Variants in SLC27A2 observed in about 807,000 individuals in gnomAD.
SLC27A2 encodes the protein long-chain fatty acid transport protein 2.
In SLC27A2, 54 loss-of-function variants were observed where a neutral mutation model predicts 60.0. That is an observed-to-expected ratio of 0.90 (90% CI 0.72 to 1.13). The LOEUF (loss-of-function observed/expected upper bound fraction) is 1.13, where lower values mean the gene tolerates loss of function less well. Among genes scored for constraint, SLC27A2 ranks in the 50% most tolerant of loss-of-function variants. The pLI, the probability that SLC27A2 is intolerant of heterozygous loss-of-function variation, is 0.00. For synonymous variants in SLC27A2, 297 were observed against 297.6 expected (o/e 1.00, Z 0.02); for missense variants, 739 against 777.6 (o/e 0.95, Z 0.59).
intron 1 of SLC27A2, among the ~76,000 whole-genome samples, chr15:50,185,507 C>T (rs745864943): frequency 2.0e-5 from 3 of 151,270 alleles, no homozygotes; most frequent in African/African-American, 7.3e-5. Context: ...TTGGAAGGGA[C>T]CTTAGAGATA....
chr15:50,194,374 C>T (rs375913005), intron 1 of SLC27A2, among the ~76,000 whole-genome samples: 5 of 151,982 alleles, frequency 3.3e-5, no homozygotes, highest in Non-Finnish European at 5.9e-5. Context: ...AGTAATGAGA[C>T]GTGAGCATAC....
intron 1 of SLC27A2, among the ~76,000 whole-genome samples, chr15:50,184,191 C>T (rs1214985955): frequency 1.3e-5 from 2 of 151,690 alleles, no homozygotes; most frequent in Non-Finnish European, 2.9e-5. Context: ...CAGGGTTTCA[C>T]CATGTTGCCC....
intron 1 of SLC27A2, 46 bp downstream of exon 1, chr15:50,182,951 G>A (rs2044878827): frequency 6.5e-7 from 1 of 1,541,562 alleles, no homozygotes; most frequent in Non-Finnish European, 8.7e-7. Context: ...GCTTCTCGGC[G>A]CCTTGACTGA....
chr15:50,187,482 T>C (rs981318407), intron 1 of SLC27A2, among the ~76,000 whole-genome samples: 10 of 152,238 alleles, frequency 6.6e-5, no homozygotes, highest in African/African-American at 2.2e-4. Flanking sequence ...CCATTTATCC[T>C]AGCATCAAGA....
intron 2 of SLC27A2, 38 bp from the exon 3 acceptor site, chr15:50,202,449 C>A: frequency 6.2e-7 from 1 of 1,609,062 alleles, no homozygotes; most frequent in Non-Finnish European, 8.5e-7. Context: ...AATGCCCAAT[C>A]TTGGTTAACT....
intron 2 of SLC27A2, among the ~76,000 whole-genome samples, chr15:50,198,870 C>T (rs28455006): frequency 0.075 from 11,375 of 152,138 alleles, 468 homozygotes; most frequent in South Asian, 0.12. Context: ...TCCTTCACCT[C>T]GACAGGCCCT....
intron 1 of SLC27A2, among the ~76,000 whole-genome samples, chr15:50,196,190 C>T (rs142907307): frequency 4.4e-5 from 6 of 136,482 alleles, no homozygotes; most frequent in East Asian, 2.4e-4. Flanking sequence ...TCTCACTTTA[C>T]GGCTTAAAGG....
intron 1 of SLC27A2, among the ~76,000 whole-genome samples, chr15:50,186,610 G>A (rs1048011902): frequency 7.2e-5 from 11 of 151,990 alleles, no homozygotes; most frequent in Admixed American, 4.6e-4. Context: ...GCTAATTTTT[G>A]TTATTATCAG....
At chr15:50,191,196 A>T (rs956048701) in intron 1 of SLC27A2, 1 of 152,254 alleles carries the variant, frequency 6.6e-6, no homozygotes, top group Non-Finnish European at 1.5e-5. Context: ...ATGTAAAACT[A>T]TACCAACAGT....
intron 4 of SLC27A2, among the ~76,000 whole-genome samples, chr15:50,216,610 G>GTGTGTGTGTGTGTATATA (rs1323910367): frequency 1.7e-4 from 11 of 66,490 alleles, no homozygotes; most frequent in African/African-American, 3.3e-4. Context: ...GTGTGTGTGT[G>GTGTGTGTGTGTGTATATA]TATATATATA....
At chr15:50,189,026 G>A (rs1386400524) in intron 1 of SLC27A2, among the ~76,000 whole-genome samples, 1 of 149,720 alleles carries the variant, frequency 6.7e-6, no homozygotes, top group African/African-American at 2.5e-5. Context: ...TAGATAGATA[G>A]ATGCATACAA....
intron 1 of SLC27A2, among the ~76,000 whole-genome samples, chr15:50,188,611 A>G (rs1202949147): frequency 1.3e-5 from 2 of 152,218 alleles, no homozygotes; most frequent in Admixed American, 6.5e-5. Flanking sequence ...ATTCTCTCAT[A>G]TATCTTTGAA....
In SLC27A2 at chr15:50,233,926, TG is replaced by T. The variant is rs541651560; in HGVS notation, c.1616del (p.Gly539GlufsTer21). 131 of 1,614,006 alleles carry T rather than the reference TG, an allele frequency of 8.1e-5. No individual in the cohort carries two copies. The African/African-American group carries it at 1.6e-3, about 20-fold the overall frequency. ...AAATGAAAGAAAACCATGAATTTGA[TG>T]GAAAGAAACTCTTTCAGCACATTGC... ...IKMKENHEFDGKKLFQHIADY... is the reference protein window; with the variant it reads ...IKMKENHEFDXKKLFQHIADY... On this transcript the variant is annotated frameshift_variant, in exon 9 of 10. Transcript: ENST00000267842. LOFTEE classifies it high-confidence loss of function.
chr15:50,225,138 C>T (rs918706721), intron 5 of SLC27A2, among the ~76,000 whole-genome samples: 2 of 152,100 alleles, frequency 1.3e-5, no homozygotes, highest in African/African-American at 4.8e-5. Context: ...GTTTTTTTAA[C>T]AAGTACTAGC....
rs1394106081 is a variant in SLC27A2 at position 50,182,271 on chromosome 15, G to A, written c.-157G>A. 2 of 1,181,914 alleles carry A rather than the reference G, an allele frequency of 1.7e-6. No individual in the cohort carries two copies. Among genetic ancestry groups the A allele is most frequent in the East Asian group, 3.3e-5 (1 of 30,148 alleles). 73.2% of individuals were successfully genotyped at this position (1,181,914 alleles called of 1,614,324 possible). A position where few individuals can be genotyped will look rare whatever the true frequency, so the allele number is the denominator to read the frequency against. On this transcript the variant is annotated 5_prime_UTR_variant, in exon 1 of 10. Transcript: ENST00000267842. ...AGCCCGCGGCGGTACCTGCAGCGGA[G>A]GAGCTCTGTCTTCCCCTTCATCTCA...
rs1196872954 is a variant in SLC27A2, at chr15:50,182,422, G to A, written c.-6G>A. On this transcript the variant is annotated 5_prime_UTR_variant, in exon 1 of 10. Coordinates refer to ENST00000267842, the MANE Select transcript of SLC27A2 (RefSeq NM_003645.4). Reference sequence around the variant, plus strand: ...CCTCGCTGGGACAGAGGGCCCCGCAGCCGTCATGCTTTCCGCCATCTACAC... The same window carrying A: ...CCTCGCTGGGACAGAGGGCCCCGCAACCGTCATGCTTTCCGCCATCTACAC... The A allele has an allele frequency of 1.1e-5, 17 of 1,589,796 alleles. No homozygotes were observed. The highest frequency in any genetic ancestry group is 2.3e-5 in the East Asian group (1 of 44,118).
At chr15:50,194,879 A>G (rs1386389022) in intron 1 of SLC27A2, among the ~76,000 whole-genome samples, 1 of 152,238 alleles carries the variant, frequency 6.6e-6, no homozygotes, top group Non-Finnish European at 1.5e-5. Context: ...AAGTACAATT[A>G]TAGTACTTTA....
chr15:50,182,364 C>T lies in SLC27A2; in HGVS notation c.-64C>T. The T allele has an allele frequency of 1.4e-6, 2 of 1,414,928 alleles. No individual in the cohort carries two copies. Among genetic ancestry groups the T allele is most frequent in the African/African-American group, 1.5e-5 (1 of 66,432 alleles). The allele number at this position is 1,414,928 out of a possible 1,614,324, so 87.6% of individuals were successfully genotyped here. A position where few individuals can be genotyped will look rare whatever the true frequency, so the allele number is the denominator to read the frequency against. On this transcript the variant is annotated 5_prime_UTR_variant, in exon 1 of 10. Coordinates refer to ENST00000267842, the MANE Select transcript of SLC27A2 (RefSeq NM_003645.4). Reference sequence around the variant, plus strand: ...CCAGTCCGCCCGGAGCCCGCCCAGTCGCCGCGCTGCACGCCCGGGGTGAAC... The same window carrying T: ...CCAGTCCGCCCGGAGCCCGCCCAGTTGCCGCGCTGCACGCCCGGGGTGAAC...
intron 8 of SLC27A2, among the ~76,000 whole-genome samples, chr15:50,230,235 CCAAAA>C (rs369332522): frequency 0.16 from 19,982 of 123,222 alleles, 1,385 homozygotes; most frequent in Middle Eastern, 0.24. Context: ...CTCTGTCTCA[CCAAAA>C]AAAAAAAAAA....
Sources: gnomAD v4.1 joint callset for allele counts (sites outside exome capture counted in the v4.1 genomes callset) on GRCh38, gnomAD v4.1.1 for gene constraint, MANE v1.5 for transcripts, NCBI Gene and HGNC (gene_info 2026-07-23, HGNC 2026-07-21) for gene names.